Variants in TENM1 observed in about 807,000 individuals in gnomAD.
The protein encoded by TENM1 is teneurin-1.
A neutral mutation model predicts 174.8 loss-of-function variants in TENM1; 35 were observed. The observed-to-expected ratio is 0.20, with a 90% CI of 0.15 to 0.27. The LOEUF (loss-of-function observed/expected upper bound fraction) is 0.27, where lower values mean the gene tolerates loss of function less well. TENM1 is among the 10% of genes least tolerant of loss of function. The pLI is 1.00. For missense variants in TENM1, 1,633 were observed against 2,130.1 expected (o/e 0.77, Z 4.59); for synonymous variants, 781 against 798.7 (o/e 0.98, Z 0.37).
intron 5 of TENM1, among the ~76,000 whole-genome samples, chrX:124,684,906 A>C (rs1449899940): frequency 9.0e-6 from 1 of 111,118 alleles, no homozygotes; most frequent in Non-Finnish European, 1.9e-5. Flanking sequence ...TTACTGACCC[A>C]GGAACCGGGG....
rs2061328506 is a variant in TENM1, at chrX:124,471,469, A to AT, written c.3949+10262dup. On this transcript the variant is annotated intron_variant, in intron 22 of 31. Transcript: ENST00000422452. Reference sequence around the variant, plus strand: ...AGTACTATATATAATACTATATATAATATATAATATATAATATATAGTATT... The same window carrying AT: ...AGTACTATATATAATACTATATATAATTATATAATATATAATATATAGTATT... Among the ~76,000 whole-genome samples, 4 of 21,698 alleles carry AT rather than the reference A, an allele frequency of 1.8e-4. 1 individual carries two copies. The highest frequency in any genetic ancestry group is 8.9e-4 in the Admixed American group (1 of 1,121). The allele number at this position is 21,698 out of a possible 115,157, so 18.8% of individuals were successfully genotyped here.
At chrX:124,983,750 A>T in the TENM1 span, among the ~76,000 whole-genome samples, 1 of 110,986 alleles carries the variant, frequency 9.0e-6, no homozygotes, top group Admixed American at 9.6e-5. Context: ...CCTCCTGAGT[A>T]GCTGGGATTA....
intron 21 of TENM1, among the ~76,000 whole-genome samples, chrX:124,484,676 T>A (rs1309352023): frequency 9.0e-6 from 1 of 111,261 alleles, no homozygotes; most frequent in African/African-American, 3.3e-5. Context: ...AGGGATTTTT[T>A]TTTTAGCCTT....
intron 6 of TENM1, among the ~76,000 whole-genome samples, chrX:124,666,453 C>T (rs1427205114): frequency 8.9e-6 from 1 of 111,736 alleles, no homozygotes; most frequent in Non-Finnish European, 1.9e-5. Flanking sequence ...TTCCGAAATT[C>T]TCCCACTTTT....
At chrX:124,733,890 T>A (rs2053615097) in intron 4 of TENM1, among the ~76,000 whole-genome samples, 2 of 111,724 alleles carry the variant, frequency 1.8e-5, no homozygotes, top group African/African-American at 3.3e-5. Context: ...TCCATTTGCC[T>A]GAACCCATTC....
the TENM1 span, among the ~76,000 whole-genome samples, chrX:125,028,721 T>A: frequency 9.0e-6 from 1 of 111,411 alleles, no homozygotes; most frequent in African/African-American, 3.3e-5. Context: ...ATGTTCACAA[T>A]GAAAACAGGA....
At chrX:124,582,075 C>T (rs971286675) in intron 11 of TENM1, among the ~76,000 whole-genome samples, 2 of 110,779 alleles carry the variant, frequency 1.8e-5, no homozygotes, top group Non-Finnish European at 3.8e-5. Flanking sequence ...TGTGTTGTTC[C>T]CCCCCATGTC....
intron 23 of TENM1, among the ~76,000 whole-genome samples, chrX:124,432,592 G>T (rs759563286): frequency 3.6e-5 from 4 of 111,068 alleles, no homozygotes; most frequent in East Asian, 2.8e-4. Flanking sequence ...ATTTTTATTT[G>T]TATTTGTATT....
the TENM1 span, among the ~76,000 whole-genome samples, chrX:125,134,967 T>C: frequency 2.7e-5 from 3 of 110,316 alleles, no homozygotes; most frequent in Non-Finnish European, 5.7e-5. Context: ...AAGAGAAAAG[T>C]GGATGGGAGA....
intron 3 of TENM1, among the ~76,000 whole-genome samples, chrX:124,850,305 T>TA (rs1228202918): frequency 8.9e-6 from 1 of 111,831 alleles, no homozygotes; most frequent in East Asian, 2.8e-4. Context: ...AGAGCCTCAC[T>TA]ACAATGTGGC....
intron 3 of TENM1, among the ~76,000 whole-genome samples, chrX:124,858,187 G>A (rs886699320): frequency 8.9e-6 from 1 of 112,398 alleles, no homozygotes; most frequent in Non-Finnish European, 1.9e-5. Flanking sequence ...ATAAAAAATT[G>A]TAGTTTTGAA....
the TENM1 span, among the ~76,000 whole-genome samples, chrX:125,145,084 G>C: frequency 1.6e-4 from 18 of 111,183 alleles, no homozygotes; most frequent in African/African-American, 5.9e-4. Flanking sequence ...AATGAGTGAA[G>C]TGAAGCCATG....
chrX:125,134,035 G>C, the TENM1 span, among the ~76,000 whole-genome samples: 2 of 111,359 alleles, frequency 1.8e-5, no homozygotes, highest in African/African-American at 3.3e-5. Context: ...TCGTTGCCAA[G>C]AAAGGGGGAG....
At chrX:124,826,898 C>T (rs1427322956) in intron 3 of TENM1, among the ~76,000 whole-genome samples, 3 of 111,341 alleles carry the variant, frequency 2.7e-5, no homozygotes, top group Non-Finnish European at 5.6e-5. Context: ...CTTCCTCATC[C>T]CTTGGTTGTT....
At chrX:124,423,672 G>C (rs1209361304) in intron 23 of TENM1, among the ~76,000 whole-genome samples, 2 of 110,916 alleles carry the variant, frequency 1.8e-5, no homozygotes, top group African/African-American at 6.6e-5. Context: ...CATCAGAGTT[G>C]AGGAAAATCT....
At chrX:125,160,623 T>C in the TENM1 span, among the ~76,000 whole-genome samples, 2 of 102,513 alleles carry the variant, frequency 2.0e-5, no homozygotes, top group Non-Finnish European at 4.0e-5. Flanking sequence ...CCACAAATGC[T>C]CATGGACGCC....
intron 25 of TENM1, among the ~76,000 whole-genome samples, chrX:124,412,862 A>T (rs770207631): frequency 3.5e-5 from 4 of 112,740 alleles, no homozygotes; most frequent in Non-Finnish European, 7.5e-5. Context: ...AAGAAACTAG[A>T]ATCTCAGAAG....
the TENM1 span, among the ~76,000 whole-genome samples, chrX:125,127,489 A>G: frequency 8.9e-6 from 1 of 111,762 alleles, no homozygotes; most frequent in East Asian, 2.8e-4. Flanking sequence ...ACTTAGCTAG[A>G]ATTAGGATAG....
chrX:124,699,097 T>C (rs1036051287), intron 5 of TENM1, among the ~76,000 whole-genome samples: 1 of 112,100 alleles, frequency 8.9e-6, no homozygotes, highest in Non-Finnish European at 1.9e-5. Flanking sequence ...CTCTAAAATA[T>C]TCACATATCT....
Sources: gnomAD v4.1 joint callset for allele counts (sites outside exome capture counted in the v4.1 genomes callset) on GRCh38, gnomAD v4.1.1 for gene constraint, MANE v1.5 for transcripts, NCBI Gene and HGNC (gene_info 2026-07-23, HGNC 2026-07-21) for gene names.